TENM4: variants seen among roughly 807,000 people sequenced by gnomAD.
TENM4 encodes the protein teneurin transmembrane protein 4, also known as teneurin-4.
Under a neutral mutation model 243.3 loss-of-function variants are expected in TENM4, and 82 were observed. The observed-to-expected ratio is 0.34, with a 90% CI of 0.28 to 0.40. The LOEUF is 0.40. Among genes scored for constraint, TENM4 ranks in the 10% least tolerant of loss-of-function variants. The pLI is 1.00. For missense variants in TENM4, 3,138 were observed against 3,673.3 expected, an observed-to-expected ratio of 0.85 and a Z score of 3.77; for synonymous variants, 1,412 against 1,456.3, an observed-to-expected ratio of 0.97 and a Z score of 0.69.
intron 3 of TENM4, chr11:79,193,310 A>C (rs1863553654): frequency 6.6e-6 from 1 of 152,228 alleles, no homozygotes; most frequent in Non-Finnish European, 1.5e-5. Context: ...GCCGGAACTC[A>C]GGTGTCAGTG....
chr11:79,319,919 T>A (rs1856860112), intron 1 of TENM4, among the ~76,000 whole-genome samples: 1 of 152,048 alleles, frequency 6.6e-6, no homozygotes, highest in African/African-American at 2.4e-5. Flanking sequence ...GGGCTTGTAG[T>A]TGGTTGACAA....
intron 1 of TENM4, among the ~76,000 whole-genome samples, chr11:79,342,367 C>T (rs1407876541): frequency 1.3e-5 from 2 of 152,094 alleles, no homozygotes; most frequent in African/African-American, 2.4e-5. Flanking sequence ...AGATAAAGTC[C>T]CATGGGGAAG....
intron 17 of TENM4, among the ~76,000 whole-genome samples, chr11:78,778,211 C>G (rs1158982038): frequency 6.6e-6 from 1 of 151,884 alleles, no homozygotes; most frequent in Non-Finnish European, 1.5e-5. Flanking sequence ...CTCTTCCTTT[C>G]TCAGGCCACC....
At chr11:78,991,816 A>C (rs187093191) in intron 6 of TENM4, among the ~76,000 whole-genome samples, 1 of 152,308 alleles carries the variant, frequency 6.6e-6, no homozygotes, top group African/African-American at 2.4e-5. Flanking sequence ...ACAGTCTAGG[A>C]TTAAAAAAGA....
At chr11:78,662,281 T>C (rs1858050434) in intron 32 of TENM4, among the ~76,000 whole-genome samples, 1 of 151,766 alleles carries the variant, frequency 6.6e-6, no homozygotes, top group African/African-American at 2.4e-5. Flanking sequence ...AACCTCTGTC[T>C]CCTGGGTTCA....
chr11:78,670,234 C>A lies in TENM4; in HGVS notation c.6111G>T (p.Thr2037=), dbSNP rs376416432. The change falls in exon 32 of 34, where the codon ACG becomes ACT. Residue 2037 remains threonine, a synonymous_variant. Coordinates refer to ENST00000278550, the MANE Select transcript of TENM4 (RefSeq NM_001098816.3). ...TTKVSFTYDE[T]AGMLKTINLQ... ...GGTTGATGGTCTTCAGCATGCCTGC[C>A]GTCTCGTCATAGGTGAAACTGACCT... 3 of 1,613,776 alleles carry A rather than the reference C, an allele frequency of 1.9e-6. No individual in the cohort carries two copies. The South Asian group carries it at 3.3e-5, about 18-fold the overall frequency.
intron 6 of TENM4, among the ~76,000 whole-genome samples, chr11:79,059,033 G>A (rs1860018061): frequency 6.6e-6 from 1 of 152,194 alleles, no homozygotes. Flanking sequence ...AATTGGTAAT[G>A]AGTTCCTTTC....
At chr11:78,798,081 C>T (rs1398805637) in intron 15 of TENM4, among the ~76,000 whole-genome samples, 1 of 152,164 alleles carries the variant, frequency 6.6e-6, no homozygotes, top group Admixed American at 6.5e-5. Flanking sequence ...GAACATAAGA[C>T]AATTTCTCTG....
intron 12 of TENM4, among the ~76,000 whole-genome samples, chr11:78,844,976 TTAA>T (rs1255942555): frequency 1.3e-5 from 2 of 152,204 alleles, no homozygotes; most frequent in East Asian, 3.8e-4. Flanking sequence ...CCCCAAGTTG[TTAA>T]TAATTATTTG....
chr11:78,966,225 G>A (rs535566646), intron 6 of TENM4, among the ~76,000 whole-genome samples: 1 of 150,706 alleles, frequency 6.6e-6, no homozygotes, highest in African/African-American at 2.4e-5. Context: ...AGAAAAGAGT[G>A]CCTACTAATT....
intron 6 of TENM4, among the ~76,000 whole-genome samples, chr11:79,046,452 C>A (rs529323354): frequency 3.4e-5 from 5 of 149,126 alleles, no homozygotes; most frequent in Admixed American, 1.3e-4. Flanking sequence ...ACTCTCCCCC[C>A]CAAAAAAACG....
intron 1 of TENM4, among the ~76,000 whole-genome samples, chr11:79,337,729 C>T (rs1244778088): frequency 6.6e-6 from 1 of 152,208 alleles, no homozygotes; most frequent in Non-Finnish European, 1.5e-5. Flanking sequence ...GGCCATGCTA[C>T]ATTGGAGTTC....
chr11:79,254,403 A>G (rs1476308631), intron 2 of TENM4, among the ~76,000 whole-genome samples: 4 of 152,212 alleles, frequency 2.6e-5, no homozygotes, highest in African/African-American at 9.6e-5. Flanking sequence ...CCAAGAACAG[A>G]GGATAAATGG....
chr11:79,399,974 C>T (rs1179573571), intron 1 of TENM4, among the ~76,000 whole-genome samples: 1 of 152,112 alleles, frequency 6.6e-6, no homozygotes, highest in Non-Finnish European at 1.5e-5. Flanking sequence ...CCACCCAAGG[C>T]AGAAATCCTT....
At chr11:79,253,904 C>T (rs10899615) in intron 2 of TENM4, among the ~76,000 whole-genome samples, 47,863 of 151,954 alleles carry the variant, frequency 0.31, 8,428 homozygotes, top group East Asian at 0.56. Flanking sequence ...AGAACAAATA[C>T]GAACAGCTAG....
At chr11:78,858,257 A>C (rs576038323) in intron 10 of TENM4, among the ~76,000 whole-genome samples, 1 of 152,286 alleles carries the variant, frequency 6.6e-6, no homozygotes, top group Admixed American at 6.5e-5. Context: ...GGCATAAATA[A>C]GTTGGCTCTT....
rs1003800162 is a variant in TENM4 at position 79,174,625 on chromosome 11, ACT to A, written c.-162-25821_-162-25820del. On this transcript the variant is annotated intron_variant, in intron 3 of 33. Transcript: ENST00000278550. ...TGCAGCTGGGTTCAGCCAATGGGAG[ACT>A]CTGGCAGGAGGTGTGAGGAGGTTGG... Among the ~76,000 whole-genome samples the A allele has an allele frequency of 1.8e-4, 28 of 151,820 alleles. 1 individual carries two copies. Among genetic ancestry groups the A allele is most frequent in the African/African-American group, 5.8e-4 (24 of 41,394 alleles).
chr11:78,826,161 C>T (rs1188467813), intron 12 of TENM4, among the ~76,000 whole-genome samples: 1 of 140,072 alleles, frequency 7.1e-6, no homozygotes, highest in Non-Finnish European at 1.5e-5. Flanking sequence ...AATGTTGGCT[C>T]ACTGCAACCT....
At chr11:78,943,776 G>C (rs1856953982) in intron 6 of TENM4, among the ~76,000 whole-genome samples, 1 of 152,228 alleles carries the variant, frequency 6.6e-6, no homozygotes, top group Non-Finnish European at 1.5e-5. Context: ...ATTAAAAGTA[G>C]TATGTGGTAA....
Sources: allele counts gnomAD v4.1 joint callset (sites outside exome capture counted in the v4.1 genomes callset), GRCh38; gene constraint gnomAD v4.1.1; transcripts MANE v1.5; gene names NCBI Gene and HGNC (gene_info 2026-07-23, HGNC 2026-07-21).